Variants in NEGR1 observed in about 807,000 individuals in gnomAD.
The protein encoded by NEGR1 is neuronal growth regulator 1, also known as IgLON family member 4.
In NEGR1, 10 loss-of-function variants were observed where a neutral mutation model predicts 40.9. The observed-to-expected ratio is 0.24, with a 90% CI of 0.15 to 0.42. The LOEUF is 0.42. Ranked by LOEUF, NEGR1 falls within the 10% of genes least tolerant of loss-of-function variation. NEGR1 has a pLI of 1.00. For missense variants in NEGR1, 352 were observed against 438.9 expected, an observed-to-expected ratio of 0.80 and a Z score of 1.77; for synonymous variants, 185 against 166.8, an observed-to-expected ratio of 1.11 and a Z score of -0.84.
At chr1:72,218,524 T>G (rs1279509944) in intron 1 of NEGR1, among the ~76,000 whole-genome samples, 5 of 152,014 alleles carry the variant, frequency 3.3e-5, no homozygotes, top group Admixed American at 2.0e-4. Flanking sequence ...CTTTCTTAAA[T>G]GTACAAAATG....
At chr1:71,973,696 T>C (rs1294776790) in intron 1 of NEGR1, among the ~76,000 whole-genome samples, 2 of 152,192 alleles carry the variant, frequency 1.3e-5, no homozygotes, top group East Asian at 3.8e-4. Flanking sequence ...AAAAACCAGA[T>C]ACTAAATTTG....
chr1:71,766,100 G>C (rs1001537780), intron 3 of NEGR1, among the ~76,000 whole-genome samples: 3 of 151,504 alleles, frequency 2.0e-5, no homozygotes, highest in African/African-American at 7.3e-5. Context: ...TTGAACTTGG[G>C]AAGTGGAGGT....
At chr1:71,876,177 T>C (rs957077114) in intron 2 of NEGR1, among the ~76,000 whole-genome samples, 1 of 152,112 alleles carries the variant, frequency 6.6e-6, no homozygotes, top group Non-Finnish European at 1.5e-5. Flanking sequence ...GTATATATTA[T>C]AGAATATTTT....
intron 1 of NEGR1, among the ~76,000 whole-genome samples, chr1:72,081,062 G>A (rs1436555695): frequency 6.6e-6 from 1 of 152,068 alleles, no homozygotes; most frequent in Non-Finnish European, 1.5e-5. Context: ...CTGTAATATA[G>A]AAGGAAAAAT....
chr1:71,514,174 C>A (rs1647100941), intron 6 of NEGR1, among the ~76,000 whole-genome samples: 1 of 145,084 alleles, frequency 6.9e-6, no homozygotes, highest in Non-Finnish European at 1.5e-5. Flanking sequence ...CCCAGGCTTG[C>A]TTAGGTAAAC....
In NEGR1 at chr1:71,440,563, C is replaced by G. The variant is rs758757659; in HGVS notation, c.941-32993G>C. The stretch of plus-strand genomic sequence containing the variant: ...ATTATATCACTTATGGATAAGGATT[C>G]TATTCAGGAAAGGATACTACTGATT... On this transcript the variant is annotated intron_variant, in intron 6 of 6. Transcript: ENST00000357731. Among the ~76,000 whole-genome samples, 3 of 152,186 alleles carry G rather than the reference C, an allele frequency of 2.0e-5. No homozygotes were observed. The East Asian group carries it at 5.8e-4, about 29-fold the overall frequency.
chr1:72,184,720 C>T lies in NEGR1; in HGVS notation c.176+97599G>A, dbSNP rs766321285. Among the ~76,000 whole-genome samples the T allele has an allele frequency of 3.1e-4, 47 of 151,914 alleles. 1 individual carries two copies. The highest frequency in any genetic ancestry group is 1.3e-4 in the Non-Finnish European group (9 of 67,952). On this transcript the variant is annotated intron_variant, in intron 1 of 6. Transcript: ENST00000357731. Reference sequence around the variant, plus strand: ...GTTTGGTTGATACTTATGAACCATCCGGTCATAGTACTACCTACTGAATCC... The same window carrying T: ...GTTTGGTTGATACTTATGAACCATCTGGTCATAGTACTACCTACTGAATCC...
chr1:72,122,460 T>G (rs1468379002), intron 1 of NEGR1, among the ~76,000 whole-genome samples: 1 of 152,014 alleles, frequency 6.6e-6, no homozygotes, highest in Admixed American at 6.6e-5. Context: ...TTTATGCTTT[T>G]TCACATACAT....
intron 1 of NEGR1, among the ~76,000 whole-genome samples, chr1:72,262,047 C>T (rs1655475942): frequency 6.6e-6 from 1 of 151,832 alleles, no homozygotes; most frequent in Non-Finnish European, 1.5e-5. Context: ...ACAATAAATA[C>T]AGTATCATGA....
At chr1:72,057,269 G>T (rs1401411198) in intron 1 of NEGR1, among the ~76,000 whole-genome samples, 15 of 151,518 alleles carry the variant, frequency 9.9e-5, no homozygotes, top group Non-Finnish European at 5.9e-5. Flanking sequence ...ACAAAATTTG[G>T]ATTGTGCATT....
At chr1:71,883,989 A>G (rs1156569919) in intron 2 of NEGR1, among the ~76,000 whole-genome samples, 1 of 150,260 alleles carries the variant, frequency 6.7e-6, no homozygotes, top group Non-Finnish European at 1.5e-5. Flanking sequence ...CCTTATTAAC[A>G]TTTTTTTTTT....
chr1:72,037,058 G>C (rs1646909932), intron 1 of NEGR1, among the ~76,000 whole-genome samples: 1 of 152,084 alleles, frequency 6.6e-6, no homozygotes, highest in Admixed American at 6.6e-5. Flanking sequence ...TTGGGATGTT[G>C]CTCTTACCTA....
intron 3 of NEGR1, among the ~76,000 whole-genome samples, chr1:71,767,501 T>A (rs1444880518): frequency 6.6e-6 from 1 of 152,178 alleles, no homozygotes; most frequent in African/African-American, 2.4e-5. Context: ...TAACAATATA[T>A]GCTCCTATGT....
In NEGR1 at chr1:71,622,030, G is replaced by A. The variant is rs72677171; in HGVS notation, c.668-10884C>T. Among the ~76,000 whole-genome samples the A allele has an allele frequency of 7.7e-3, 1,171 of 151,922 alleles. 6 individuals are homozygous for A. The highest frequency in any genetic ancestry group is 0.013 in the Non-Finnish European group (868 of 67,836). On this transcript the variant is annotated intron_variant, in intron 4 of 6. Transcript: ENST00000357731. ...TTATTCATATTGTTCTTTTGACAAC[G>A]GTTAGCACTGGTGAAATTATAGCTT...
intron 6 of NEGR1, among the ~76,000 whole-genome samples, chr1:71,576,069 A>G (rs1244414942): frequency 6.6e-6 from 1 of 152,152 alleles, no homozygotes; most frequent in Admixed American, 6.5e-5. Context: ...TGTCCAAGAA[A>G]CAACTTCCAG....
At chr1:72,078,686 C>T (rs926645903) in intron 1 of NEGR1, among the ~76,000 whole-genome samples, 1 of 149,188 alleles carries the variant, frequency 6.7e-6, no homozygotes, top group African/African-American at 2.5e-5. Flanking sequence ...ATTGCCCAGG[C>T]TGGAGTGCAA....
intron 4 of NEGR1, among the ~76,000 whole-genome samples, chr1:71,626,961 A>T (rs1020484908): frequency 6.6e-6 from 1 of 152,168 alleles, no homozygotes; most frequent in Non-Finnish European, 1.5e-5. Context: ...ATCTCACACC[A>T]GTTAGAATGG....
chr1:71,449,561 G>A (rs1001381718), intron 6 of NEGR1, among the ~76,000 whole-genome samples: 2 of 152,090 alleles, frequency 1.3e-5, no homozygotes, highest in African/African-American at 2.4e-5. Context: ...CTATAATTTC[G>A]TTTTGACAAT....
intron 2 of NEGR1, among the ~76,000 whole-genome samples, chr1:71,791,676 A>G (rs1049690164): frequency 6.6e-6 from 1 of 152,094 alleles, no homozygotes; most frequent in African/African-American, 2.4e-5. Context: ...AAAAGTCTAG[A>G]ATGTAGTTAA....
Sources: allele counts gnomAD v4.1 joint callset (sites outside exome capture counted in the v4.1 genomes callset), GRCh38; gene constraint gnomAD v4.1.1; transcripts MANE v1.5; gene names NCBI Gene and HGNC (gene_info 2026-07-23, HGNC 2026-07-21).